The following AMOTL2 variants were observed in gnomAD, a reference collection of about 807,000 sequenced individuals.
AMOTL2 encodes the protein angiomotin-like protein 2.
A neutral mutation model predicts 78.4 loss-of-function variants in AMOTL2; 33 were observed. The ratio of observed to expected loss-of-function variants is 0.42; its 90% CI spans 0.32 to 0.56. The LOEUF (loss-of-function observed/expected upper bound fraction) is 0.56, where lower values mean the gene tolerates loss of function less well. Among genes scored for constraint, AMOTL2 ranks in the 20% least tolerant of loss-of-function variants. AMOTL2 has a pLI of 0.12. For synonymous variants in AMOTL2, 422 were observed against 428.8 expected, an observed-to-expected ratio of 0.98 and a Z score of 0.20; for missense variants, 983 against 1,030.1, an observed-to-expected ratio of 0.95 and a Z score of 0.63.
At chr3:134,364,400 G>A (rs1339530729) in intron 5 of AMOTL2, among the ~76,000 whole-genome samples, 1 of 151,972 alleles carries the variant, frequency 6.6e-6, no homozygotes, top group African/African-American at 2.4e-5. Flanking sequence ...CCAGAAACCC[G>A]CCCCATGGCT....
intron 5 of AMOTL2, among the ~76,000 whole-genome samples, chr3:134,363,476 A>T (rs1298471081): frequency 6.6e-6 from 1 of 152,094 alleles, no homozygotes; most frequent in African/African-American, 2.4e-5. Flanking sequence ...CCTGCATCTC[A>T]TTTCAGCCTT....
Position 134,361,715 on chromosome 3 carries a change from G to A in AMOTL2, c.1372C>T (p.Leu458=). 6.2e-7 allele frequency: 1 copy of A among 1,609,358 alleles called. No homozygotes were observed. Among genetic ancestry groups the A allele is most frequent in the South Asian group, 1.1e-5 (1 of 90,934 alleles). Residue 458 remains leucine (L), a synonymous_variant, in exon 6 of 10, where the codon CTG becomes TTG. Coordinates refer to ENST00000249883, the MANE Select transcript of AMOTL2 (RefSeq NM_016201.4). Reference sequence around the variant, plus strand: ...TGCGCATTGCCCAGAGCCTGCTCCAGCAGCTCGGCACGCCGCCGCTGGTCC... The same window carrying A: ...TGCGCATTGCCCAGAGCCTGCTCCAACAGCTCGGCACGCCGCCGCTGGTCC... ...IEDQRRRAEL[L]EQALGNAQGR... is the part of the protein sequence containing the mutation.
At chr3:134,368,530 G>A (rs912828650) in intron 2 of AMOTL2, among the ~76,000 whole-genome samples, 1 of 152,186 alleles carries the variant, frequency 6.6e-6, no homozygotes, top group Non-Finnish European at 1.5e-5. Context: ...GAGTGCCTCA[G>A]CCCCACAGAC....
Position 134,360,536 on chromosome 3 carries a change from T to C in AMOTL2, c.1576-123A>G, listed in dbSNP as rs2017312160. The C allele has an allele frequency of 3.6e-6, 3 of 829,896 alleles. No homozygotes were observed. In the East Asian group the frequency reaches 8.0e-5, roughly 22 times the overall value. The allele number at this position is 829,896 out of a possible 1,614,324, so 51.4% of individuals were successfully genotyped here. On this transcript the variant is annotated intron_variant, in intron 6 of 9. Transcript: ENST00000249883. ...GTGTTCAGCCATACACAGCATACAT[T>C]TCCCCATCCTTCCTCTACCGAAATG...
At chr3:134,367,217 G>A (rs1208900587) in intron 3 of AMOTL2, among the ~76,000 whole-genome samples, 1 of 152,166 alleles carries the variant, frequency 6.6e-6, no homozygotes, top group Non-Finnish European at 1.5e-5. Context: ...AAGGGTGCGA[G>A]TGTGCAAGGA....
chr3:134,371,590 G>T, intron 1 of AMOTL2, 96 bp from the exon 2 acceptor site: 1 of 1,452,496 alleles, frequency 6.9e-7, no homozygotes, highest in South Asian at 1.4e-5. Flanking sequence ...TACTCTGGTG[G>T]AAAGCATAAA....
chr3:134,370,402 T>G (rs1337237819), intron 2 of AMOTL2, among the ~76,000 whole-genome samples: 1 of 152,238 alleles, frequency 6.6e-6, no homozygotes, highest in Non-Finnish European at 1.5e-5. Context: ...CTTTCTGAAA[T>G]CTAACCTTTA....
chr3:134,364,823 T>A (rs373066628), intron 5 of AMOTL2, among the ~76,000 whole-genome samples: 1 of 152,132 alleles, frequency 6.6e-6, no homozygotes, highest in South Asian at 2.1e-4. Context: ...TTTACCCAGC[T>A]ACCAACCACT....
At chr3:134,371,797 C>A in intron 1 of AMOTL2, 1 of 349,358 alleles carries the variant, frequency 2.9e-6, no homozygotes. Flanking sequence ...CAGTGAAAAT[C>A]CTGGTAAACG....
chr3:134,355,835 C>T lies in AMOTL2; in HGVS notation c.*1870G>A, dbSNP rs1401542887. ...TGGCCCCCCAAAATCCTCACCCTTT[C>T]CCTTCCCTCAGTGCAAAGTCTCACC... is the stretch of plus-strand genomic sequence containing the variant. On this transcript the variant is annotated 3_prime_UTR_variant, in exon 10 of 10. Transcript: ENST00000249883. 6.5e-6 allele frequency: 1 copy of T among 152,684 alleles called. No homozygotes were observed. Among genetic ancestry groups the T allele is most frequent in the African/African-American group, 2.4e-5 (1 of 41,450 alleles). The allele number at this position is 152,684 out of a possible 1,614,324, so 9.5% of individuals were successfully genotyped here.
chr3:134,371,593 A>G, intron 1 of AMOTL2, 99 bp from the exon 2 acceptor site: 3 of 1,448,042 alleles, frequency 2.1e-6, no homozygotes, highest in East Asian at 2.5e-5. Flanking sequence ...TCTGGTGGAA[A>G]GCATAAAAGT....
intron 2 of AMOTL2, 74 bp downstream of exon 2, chr3:134,370,626 T>G: frequency 1.4e-6 from 2 of 1,475,480 alleles, no homozygotes; most frequent in Non-Finnish European, 1.8e-6. Context: ...GCTGTGATCT[T>G]GAGGCTCTCC....
chr3:134,365,553 C>T (rs1002013165), intron 5 of AMOTL2, among the ~76,000 whole-genome samples: 1 of 152,240 alleles, frequency 6.6e-6, no homozygotes, highest in Non-Finnish European at 1.5e-5. Flanking sequence ...AGCACCGAAG[C>T]TCAGCAAATC....
At position 134,361,722 on chromosome 3, in the gene AMOTL2, G is replaced by A. The variant is rs777388355; in HGVS notation, c.1365C>T (p.Ala455=). The change falls in exon 6 of 10, where the codon GCC becomes GCT. Residue 455 remains alanine, a synonymous_variant. Transcript: ENST00000249883. The part of the protein sequence containing the change: ...RGAIEDQRRR[A]ELLEQALGNA... ...TGCCCAGAGCCTGCTCCAGCAGCTC[G>A]GCACGCCGCCGCTGGTCCTCGATGG... 35 of 1,608,160 alleles carry A rather than the reference G, an allele frequency of 2.2e-5. No individual in the cohort carries two copies. Among genetic ancestry groups the A allele is most frequent in the East Asian group, 4.5e-5 (2 of 44,678 alleles).
chr3:134,362,280 C>T (rs536868188), intron 5 of AMOTL2, among the ~76,000 whole-genome samples: 9 of 152,356 alleles, frequency 5.9e-5, no homozygotes, highest in South Asian at 4.1e-4. Flanking sequence ...GAACCACCAT[C>T]GGCTGTCGGC....
chr3:134,374,417 G>A lies in AMOTL2; in HGVS notation c.-137C>T. The A allele has an allele frequency of 1.0e-6, 1 of 985,370 alleles. No homozygotes were observed. The highest frequency in any genetic ancestry group is 1.7e-5 in the African/African-American group (1 of 57,344). 61.0% of individuals were successfully genotyped at this position (985,370 alleles called of 1,614,324 possible). A position where few individuals can be genotyped will look rare whatever the true frequency, so the allele number is the denominator to read the frequency against. ...CGGCCCAGCTCAGCTCGGCGGCGAA[G>A]ATGTGTTCTCGGCCGTGGCGCCGAC... On this transcript the variant is annotated 5_prime_UTR_variant, in exon 1 of 10. Transcript: ENST00000249883.
chr3:134,359,494 C>G lies in AMOTL2; in HGVS notation c.1893G>C (p.Val631=), dbSNP rs756659217. 1.2e-6 allele frequency: 2 copies of G among 1,612,890 alleles called. No homozygotes were observed. The highest frequency in any genetic ancestry group is 2.7e-5 in the African/African-American group (2 of 74,916). Residue 631 remains valine, a synonymous_variant, in exon 8 of 10, where the codon GTG becomes GTC. Transcript: ENST00000249883. ...RHQEMESRLK[V]LHAQILEKDA... ...CCTTCTCCAGGATCTGGGCATGGAGCACCTTTAACCTGAGGGGTGAGAGGC... is the reference window on the plus strand; with the variant it reads ...CCTTCTCCAGGATCTGGGCATGGAGGACCTTTAACCTGAGGGGTGAGAGGC...
Position 134,367,778 on chromosome 3 carries a change from C to A in AMOTL2, c.760G>T (p.Val254Leu). The change falls in exon 3 of 10, where the codon GTG becomes TTG. Residue 254 changes from valine (V) to leucine (L), a missense_variant. Val to Leu is a conservative substitution (Grantham distance 32). Coordinates refer to ENST00000249883, the MANE Select transcript of AMOTL2 (RefSeq NM_016201.4). ...TACTGCTGCTGCTGTTGGAGGAACA[C>A]AGGAGGCACCTGGGCCTGCAGGATC... ...VRILQAQVPPVFLQQQQQYQY... is the reference protein window; with the variant it reads ...VRILQAQVPPLFLQQQQQYQY... The A allele has an allele frequency of 4.3e-6, 7 of 1,613,640 alleles. No homozygotes were observed. Among genetic ancestry groups the A allele is most frequent in the Non-Finnish European group, 4.2e-6 (5 of 1,179,996 alleles).
chr3:134,366,005 T>A, intron 4 of AMOTL2, 96 bp from the exon 5 acceptor site: 1 of 1,318,762 alleles, frequency 7.6e-7, no homozygotes, highest in Non-Finnish European at 1.1e-6. Flanking sequence ...GTATCCTCCA[T>A]ATTGGGGATG....
Sources: gnomAD v4.1 joint callset for allele counts (sites outside exome capture counted in the v4.1 genomes callset) on GRCh38, gnomAD v4.1.1 for gene constraint, MANE v1.5 for transcripts, NCBI Gene and HGNC (gene_info 2026-07-23, HGNC 2026-07-21) for gene names.